The following COLGALT2 variants were observed in gnomAD, a reference collection of about 807,000 sequenced individuals.
COLGALT2 encodes the protein procollagen galactosyltransferase 2.
In COLGALT2, 49 loss-of-function variants were observed where a neutral mutation model predicts 73.4. That is an observed-to-expected ratio of 0.67 (90% CI 0.53 to 0.85). The LOEUF is 0.85. COLGALT2 is among the 40% of genes least tolerant of loss of function. COLGALT2 has a pLI of 0.00. For synonymous variants in COLGALT2, 295 were observed against 307.6 expected, an observed-to-expected ratio of 0.96 and a Z score of 0.43; for missense variants, 722 against 790.2, an observed-to-expected ratio of 0.91 and a Z score of 1.03.
chr1:184,025,454 C>T (rs1189830288), intron 1 of COLGALT2, among the ~76,000 whole-genome samples: 1 of 152,132 alleles, frequency 6.6e-6, no homozygotes, highest in African/African-American at 2.4e-5. Context: ...GGCAACACAC[C>T]AAAACACATA....
chr1:183,986,799 T>C (rs1191333555), intron 1 of COLGALT2, among the ~76,000 whole-genome samples: 1 of 152,150 alleles, frequency 6.6e-6, no homozygotes. Context: ...AAAAGAAGGC[T>C]GAGGATGAGA....
rs1051037221 is a variant in COLGALT2 at position 184,037,117 on chromosome 1, G to C, written c.241C>G (p.Pro81Ala). Residue 81 changes from proline to alanine, a missense_variant, in exon 1 of 12, where the codon CCC becomes GCC. Transcript: ENST00000361927. ...CACCAGATGGCCATCCTGCTCTTGGGGTAGTCCAGCCGCTCCAGGCAGCCG... is the reference window on the plus strand; with the variant it reads ...CACCAGATGGCCATCCTGCTCTTGGCGTAGTCCAGCCGCTCCAGGCAGCCG... Reference protein sequence around the residue: ...FLGCLERLDYPKSRMAIWAAT... With the variant: ...FLGCLERLDYAKSRMAIWAAT... 2.5e-6 allele frequency: 4 copies of C among 1,595,468 alleles called. No individual in the cohort carries two copies. The highest frequency in any genetic ancestry group is 3.4e-6 in the Non-Finnish European group (4 of 1,173,368).
rs921225695 is a variant in COLGALT2 at position 183,940,662 on chromosome 1, T to C, written c.1523A>G (p.Gln508Arg). The C allele has an allele frequency of 6.2e-6, 10 of 1,614,118 alleles. No individual in the cohort carries two copies. In the Admixed American group the frequency reaches 8.3e-5, roughly 13 times the overall value. The part of the protein sequence containing the change: ...LGYVISLEGA[Q>R]KLVGANPFGK... ...AAAAGGATTGGCTCCAACCAGCTTC[T>C]GTGCTCCTTCCAGAGAGATGACGTA... Residue 508 changes from glutamine (Q) to arginine (R), a missense_variant, in exon 11 of 12, where the codon CAG becomes CGG. Gln to Arg is a conservative substitution (Grantham distance 43). Coordinates refer to ENST00000361927, the MANE Select transcript of COLGALT2 (RefSeq NM_015101.4).
intron 1 of COLGALT2, among the ~76,000 whole-genome samples, chr1:184,008,477 C>G (rs1672141436): frequency 1.3e-5 from 2 of 152,114 alleles, no homozygotes; most frequent in African/African-American, 4.8e-5. Context: ...TCCCTGTAAT[C>G]CTAACATTTT....
At chr1:183,953,997 G>A (rs563290981) in intron 7 of COLGALT2, among the ~76,000 whole-genome samples, 17 of 152,320 alleles carry the variant, frequency 1.1e-4, no homozygotes, top group African/African-American at 3.6e-4. Context: ...CCATGGAAGA[G>A]TTCTCAGTTT....
At chr1:183,965,033 T>C (rs1312805149) in intron 5 of COLGALT2, among the ~76,000 whole-genome samples, 1 of 152,238 alleles carries the variant, frequency 6.6e-6, no homozygotes, top group African/African-American at 2.4e-5. Flanking sequence ...GGTGAAGCTG[T>C]CTCATGGCAT....
At chr1:183,981,800 G>C (rs1671359786) in intron 1 of COLGALT2, among the ~76,000 whole-genome samples, 1 of 152,094 alleles carries the variant, frequency 6.6e-6, no homozygotes, top group Non-Finnish European at 1.5e-5. Context: ...TTAAGAGAGG[G>C]AATGTTCAGG....
At chr1:184,007,960 T>G (rs1672128449) in intron 1 of COLGALT2, among the ~76,000 whole-genome samples, 2 of 152,332 alleles carry the variant, frequency 1.3e-5, no homozygotes, top group East Asian at 1.9e-4. Flanking sequence ...GCACTGGACA[T>G]GAACTAGGAT....
At position 184,026,118 on chromosome 1, in the gene COLGALT2, G is replaced by A. The variant is rs180763681; in HGVS notation, c.263+10977C>T. On this transcript the variant is annotated intron_variant, in intron 1 of 11. Coordinates refer to ENST00000361927, the MANE Select transcript of COLGALT2 (RefSeq NM_015101.4). ...ACTTGCTCAAAGCAGCCTAGCATGA[G>A]CAATGCTTCCAAGACCTTTCACAGG... is the stretch of plus-strand genomic sequence containing the variant. 2.3e-3 allele frequency among the ~76,000 whole-genome samples: 350 copies of A among 152,292 alleles called. 2 individuals are homozygous for A. The highest frequency in any genetic ancestry group is 1.3e-3 in the Non-Finnish European group (90 of 68,026).
In COLGALT2 at chr1:183,938,704, C is replaced by A. The variant is rs1256132905; in HGVS notation, c.*57G>T. On this transcript the variant is annotated 3_prime_UTR_variant, in exon 12 of 12. Coordinates refer to ENST00000361927, the MANE Select transcript of COLGALT2 (RefSeq NM_015101.4). ...AAAACTGGAGCAAACAGATGAATAG[C>A]CCTTTAGAAAAACCAGAGGATGTTG... The A allele has an allele frequency of 6.3e-7, 1 of 1,586,246 alleles. No individual in the cohort carries two copies. The highest frequency in any genetic ancestry group is 1.7e-5 in the Admixed American group (1 of 57,806).
rs568724978 is a variant in COLGALT2 at position 184,006,571 on chromosome 1, C to T, written c.264-28051G>A. ...TGCACTCCAGCCTGGGCAACAAGAG[C>T]GAAACTCCATCTCAAAAAACAATAA... is the stretch of plus-strand genomic sequence containing the variant. On this transcript the variant is annotated intron_variant, in intron 1 of 11. Coordinates refer to ENST00000361927, the MANE Select transcript of COLGALT2 (RefSeq NM_015101.4). Among the ~76,000 whole-genome samples, 12 of 150,294 alleles carry T rather than the reference C, an allele frequency of 8.0e-5. No individual in the cohort carries two copies. The East Asian group carries it at 1.4e-3, about 17-fold the overall frequency.
At chr1:184,007,208 CAAAGCACA>C (rs1180454841) in intron 1 of COLGALT2, among the ~76,000 whole-genome samples, 1 of 152,198 alleles carries the variant, frequency 6.6e-6, no homozygotes. Flanking sequence ...ACACCATGTG[CAAAGCACA>C]GACCTCTATG....
chr1:183,945,495 G>T lies in COLGALT2; in HGVS notation c.1206C>A (p.Ser402=), dbSNP rs1339919877. 1 of 1,614,068 alleles carries T rather than the reference G, an allele frequency of 6.2e-7. No homozygotes were observed. Among genetic ancestry groups the T allele is most frequent in the African/African-American group, 1.3e-5 (1 of 74,936 alleles). Residue 402 remains serine (S), a synonymous_variant, in exon 9 of 12, where the codon TCC becomes TCA. Transcript: ENST00000361927. ...EMLPGYRDPY[S]SRPLTRGEIG... ...TTTCACCCCTTGTTAGAGGCCTGGA[G>T]GAATAGGGATCTCGATAGCCAGGCA...
intron 1 of COLGALT2, among the ~76,000 whole-genome samples, chr1:184,015,825 G>A (rs1360109361): frequency 6.6e-6 from 1 of 152,166 alleles, no homozygotes; most frequent in Non-Finnish European, 1.5e-5. Context: ...TGAGTAAAAA[G>A]CTATCTACGT....
chr1:183,979,324 A>G (rs759673197), intron 1 of COLGALT2, among the ~76,000 whole-genome samples: 4 of 152,174 alleles, frequency 2.6e-5, no homozygotes, highest in Non-Finnish European at 5.9e-5. Context: ...AAACAGAAAA[A>G]GAGAAGAAAG....
chr1:183,997,589 A>T (rs1039813322), intron 1 of COLGALT2, among the ~76,000 whole-genome samples: 1 of 152,218 alleles, frequency 6.6e-6, no homozygotes, highest in Admixed American at 6.5e-5. Context: ...TTGCAAAAAC[A>T]ACCTCATAAT....
chr1:184,036,984 C>G lies in COLGALT2; in HGVS notation c.263+111G>C, dbSNP rs931068416. ...TGCGCCAGATTTTCCGCGTGCCCCC[C>G]CGCCCCTCCAGCGGCTCCCTCGCCC... On this transcript the variant is annotated intron_variant, in intron 1 of 11. Transcript: ENST00000361927. 3.1e-5 allele frequency: 30 copies of G among 954,494 alleles called. No individual in the cohort carries two copies. The Admixed American group carries it at 5.0e-4, about 16-fold the overall frequency. The allele number at this position is 954,494 out of a possible 1,614,324, so 59.1% of individuals were successfully genotyped here.
chr1:183,998,963 T>A (rs1360035188), intron 1 of COLGALT2, among the ~76,000 whole-genome samples: 1 of 152,152 alleles, frequency 6.6e-6, no homozygotes, highest in Non-Finnish European at 1.5e-5. Context: ...CTATTGCATT[T>A]TCTCTGTAGA....
At chr1:183,977,470 C>CAA (rs71993168) in intron 2 of COLGALT2, among the ~76,000 whole-genome samples, 4,056 of 126,514 alleles carry the variant, frequency 0.032, 214 homozygotes, top group African/African-American at 0.12. Flanking sequence ...GACTCTGTCT[C>CAA]AAAAAAAAAA....
Sources: allele counts gnomAD v4.1 joint callset (sites outside exome capture counted in the v4.1 genomes callset), GRCh38; gene constraint gnomAD v4.1.1; transcripts MANE v1.5; gene names NCBI Gene and HGNC (gene_info 2026-07-23, HGNC 2026-07-21).